The following USP25 variants were observed in gnomAD, a reference collection of about 807,000 sequenced individuals.
The protein encoded by USP25 is ubiquitin specific peptidase 25, also known as ubiquitin carboxyl-terminal hydrolase 25.
A neutral mutation model predicts 158.5 loss-of-function variants in USP25; 85 were observed. The ratio of observed to expected loss-of-function variants is 0.54; its 90% CI spans 0.45 to 0.64. The LOEUF is 0.64. Among genes scored for constraint, USP25 ranks in the 30% least tolerant of loss-of-function variants. The pLI, the probability that USP25 is intolerant of heterozygous loss-of-function variation, is 0.00. For synonymous variants in USP25, 464 were observed against 460.4 expected (o/e 1.01, Z -0.10); for missense variants, 1,242 against 1,327.3 (o/e 0.94, Z 1.00).
intron 1 of USP25, among the ~76,000 whole-genome samples, chr21:15,746,822 T>G (rs73181996): frequency 2.7e-3 from 419 of 152,376 alleles, no homozygotes; most frequent in Non-Finnish European, 4.9e-3. Flanking sequence ...TTTACCACTT[T>G]TATTCATTTT....
At chr21:15,783,027 A>G (rs1166426715) in intron 4 of USP25, among the ~76,000 whole-genome samples, 1 of 152,194 alleles carries the variant, frequency 6.6e-6, no homozygotes, top group Non-Finnish European at 1.5e-5. Context: ...TAGCTGAGTG[A>G]GAAATTGAAC....
intron 6 of USP25, among the ~76,000 whole-genome samples, chr21:15,803,953 C>T (rs557033247): frequency 9.2e-5 from 14 of 151,980 alleles, no homozygotes; most frequent in African/African-American, 3.1e-4. Context: ...TAGAATTTTA[C>T]AGTGTTGAGA....
At chr21:15,775,821 A>T (rs974724032) in intron 3 of USP25, among the ~76,000 whole-genome samples, 6 of 134,134 alleles carry the variant, frequency 4.5e-5, no homozygotes, top group Non-Finnish European at 9.1e-5. Context: ...CCTAAGTTTC[A>T]TCCAAAACCC....
intron 17 of USP25, among the ~76,000 whole-genome samples, chr21:15,839,470 A>G (rs898659766): frequency 6.6e-6 from 1 of 152,204 alleles, no homozygotes; most frequent in Non-Finnish European, 1.5e-5. Context: ...ACAGAACAAC[A>G]CAATATAACC....
At chr21:15,745,473 C>CTTTTTTTTTT (rs11284817) in intron 1 of USP25, among the ~76,000 whole-genome samples, 177 of 112,998 alleles carry the variant, frequency 1.6e-3, no homozygotes, top group African/African-American at 2.3e-3. Flanking sequence ...TTTTTCTTTT[C>CTTTTTTTTTT]TTTTTTTTTT....
intron 20 of USP25, among the ~76,000 whole-genome samples, chr21:15,862,522 C>A (rs980958805): frequency 6.7e-6 from 1 of 150,358 alleles, no homozygotes; most frequent in African/African-American, 2.4e-5. Flanking sequence ...TAGATTTATT[C>A]TCAAATTCTT....
chr21:15,808,641 G>A (rs2036508881), intron 7 of USP25, among the ~76,000 whole-genome samples, 168 bp from the exon 8 acceptor site: 1 of 151,008 alleles, frequency 6.6e-6, no homozygotes, highest in Admixed American at 6.6e-5. Context: ...TTATATCCTG[G>A]TTAAATTATA....
intron 20 of USP25, among the ~76,000 whole-genome samples, chr21:15,854,209 G>A (rs932672352): frequency 6.6e-6 from 1 of 152,134 alleles, no homozygotes; most frequent in African/African-American, 2.4e-5. Context: ...GCAGTGGTGC[G>A]ATCTTGGCTC....
chr21:15,811,267 TCG>T, intron 9 of USP25, 57 bp downstream of exon 9: 5 of 1,454,082 alleles, frequency 3.4e-6, no homozygotes, highest in Non-Finnish European at 4.7e-6. Context: ...ATTCATTCAT[TCG>T]TCTCGATAGT....
At chr21:15,878,169 G>A in intron 25 of USP25, 134 bp from the exon 26 acceptor site, 1 of 1,216,602 alleles carries the variant, frequency 8.2e-7, no homozygotes, top group Admixed American at 2.8e-5. Flanking sequence ...CATTGCAGTT[G>A]CCATTTATGT....
At chr21:15,839,702 G>GT (rs1338197576) in intron 17 of USP25, among the ~76,000 whole-genome samples, 1 of 151,954 alleles carries the variant, frequency 6.6e-6, no homozygotes, top group African/African-American at 2.4e-5. Flanking sequence ...TTCTTTGACA[G>GT]TTTTTTTATA....
chr21:15,767,177 A>G (rs1454051493), intron 3 of USP25, among the ~76,000 whole-genome samples: 4 of 151,920 alleles, frequency 2.6e-5, no homozygotes, highest in Non-Finnish European at 4.4e-5. Flanking sequence ...CTCATTTTCC[A>G]CTGTTTTCCT....
At chr21:15,806,429 CTT>C (rs11289435) in intron 7 of USP25, among the ~76,000 whole-genome samples, 125 of 140,170 alleles carry the variant, frequency 8.9e-4, no homozygotes, top group South Asian at 1.1e-3. Context: ...TTTCTGGTTT[CTT>C]TTTTTTTTTT....
rs2038435473 is a variant in USP25, at chr21:15,843,453, A to G, written c.2337+913A>G. ...TATATAATAAGACTTCCTTTAGCCAAAATGTTCAAGAGATATGGTACTCTG... is the reference window on the plus strand; with the variant it reads ...TATATAATAAGACTTCCTTTAGCCAGAATGTTCAAGAGATATGGTACTCTG... On this transcript the variant is annotated intron_variant, in intron 18 of 25. Coordinates refer to ENST00000400183, the MANE Select transcript of USP25 (RefSeq NM_001283041.3). This position sits in a 1 kb window ranked among gnomAD's most constrained non-coding sequence, Gnocchi z 4.0. Among the ~76,000 whole-genome samples the G allele has an allele frequency of 2.0e-5, 3 of 152,214 alleles. No individual in the cohort carries two copies.
chr21:15,774,781 G>A (rs1211065100), intron 3 of USP25, among the ~76,000 whole-genome samples: 1 of 152,170 alleles, frequency 6.6e-6, no homozygotes, highest in Non-Finnish European at 1.5e-5. Context: ...CTTGGCTTCT[G>A]TTTAAAACAG....
chr21:15,779,586 A>C (rs1054553305), intron 4 of USP25, among the ~76,000 whole-genome samples: 1 of 151,894 alleles, frequency 6.6e-6, no homozygotes, highest in African/African-American at 2.4e-5. Context: ...CTAATTATAT[A>C]ATAAAAGTAA....
intron 9 of USP25, among the ~76,000 whole-genome samples, chr21:15,815,326 G>A (rs1568841318): frequency 6.6e-6 from 1 of 152,200 alleles, no homozygotes; most frequent in Non-Finnish European, 1.5e-5. Context: ...ATGTGGGGTT[G>A]GAGCCCACAC....
chr21:15,864,295 G>C lies in USP25; in HGVS notation c.2575G>C (p.Val859Leu), dbSNP rs1395316878. 1 of 1,608,312 alleles carries C rather than the reference G, an allele frequency of 6.2e-7. No individual in the cohort carries two copies. The highest frequency in any genetic ancestry group is 8.5e-7 in the Non-Finnish European group (1 of 1,178,530). ...KAIKLEYARL[V>L]KLAQEDTPPE... ...AATTAAGTTGGAATATGCAAGGTTGGTTAAGTTGGCCCAAGAAGACACCCC... is the reference window on the plus strand; with the variant it reads ...AATTAAGTTGGAATATGCAAGGTTGCTTAAGTTGGCCCAAGAAGACACCCC... The change falls in exon 21 of 26, where the codon GTT becomes CTT. Residue 859 changes from valine to leucine, a missense_variant. Around this residue, in one of 3 missense-constraint regions of USP25, gnomAD observed 608 missense variants for 605.2 expected, o/e 1.00. Coordinates refer to ENST00000400183, the MANE Select transcript of USP25 (RefSeq NM_001283041.3).
rs1010201404 is a variant in USP25 at position 15,816,239 on chromosome 21, C to T, written c.932-2459C>T. ...TTGCTTCTTCCTCATCTTCTCTTGC[C>T]TCTGCCATGTAAGAAGTGCCTTTTG... On this transcript the variant is annotated intron_variant, in intron 9 of 25. Transcript: ENST00000400183. This position sits in a 1 kb window ranked among gnomAD's most constrained non-coding sequence, Gnocchi z 4.0. 2.4e-4 allele frequency among the ~76,000 whole-genome samples: 37 copies of T among 152,122 alleles called. No individual in the cohort carries two copies. Among genetic ancestry groups the T allele is most frequent in the African/African-American group, 8.5e-4 (35 of 41,420 alleles).
Sources: gnomAD v4.1 joint callset for allele counts (sites outside exome capture counted in the v4.1 genomes callset) on GRCh38, gnomAD v4.1.1 for gene constraint, gnomAD v4.1.1 regional missense constraint, Gnocchi (gnomAD v3.1) non-coding constraint, MANE v1.5 for transcripts, NCBI Gene and HGNC (gene_info 2026-07-23, HGNC 2026-07-21) for gene names.